The following BSCL2 variants were observed in gnomAD, a reference collection of about 807,000 sequenced individuals.
The protein encoded by BSCL2 is seipin.
BSCL2 carries 41 observed loss-of-function variants against 57.4 expected under a neutral mutation model. The ratio of observed to expected loss-of-function variants is 0.71; its 90% confidence interval spans 0.56 to 0.93. BSCL2 has a LOEUF of 0.93. Ranked by LOEUF, BSCL2 falls within the 40% of genes least tolerant of loss-of-function variation. BSCL2 has a pLI of 0.00. For missense variants in BSCL2, 539 were observed against 586.7 expected, an observed-to-expected ratio of 0.92 and a Z score of 0.84; for synonymous variants, 237 against 227.3, an observed-to-expected ratio of 1.04 and a Z score of -0.38.
At chr11:62,708,549 G>C (rs972771734), upstream of BSCL2, 3 of 1,354,076 alleles carry the variant, frequency 2.2e-6, no homozygotes, top group Admixed American at 2.0e-5. Flanking sequence ...CCAGGCCTCT[G>C]GGGGGGATGA....
At chr11:62,709,159 G>A (rs2083591711), upstream of BSCL2, 3 of 469,766 alleles carry the variant, frequency 6.4e-6, no homozygotes, top group South Asian at 4.6e-5. Context: ...GGAGCTACTG[G>A]GAGGGTAAAG....
intron 3 of BSCL2, among the ~76,000 whole-genome samples, chr11:62,700,203 T>G (rs989002188): frequency 6.6e-6 from 1 of 151,174 alleles, no homozygotes; most frequent in African/African-American, 2.4e-5. Context: ...ATCGTATCAC[T>G]GCACTCCAGG....
chr11:62,704,335 C>A (rs1945747704), intron 2 of BSCL2, among the ~76,000 whole-genome samples: 2 of 135,416 alleles, frequency 1.5e-5, no homozygotes, highest in Non-Finnish European at 3.1e-5. Context: ...AGATTGAGAC[C>A]ATCCTGGCTA....
intron 3 of BSCL2, among the ~76,000 whole-genome samples, chr11:62,698,057 G>A (rs1195906171): frequency 3.0e-4 from 45 of 147,966 alleles, no homozygotes; most frequent in African/African-American, 1.0e-3. Context: ...ACAGGCGCCC[G>A]CCACCACGCC....
At position 62,691,079 on chromosome 11, in the gene BSCL2, C is replaced by T. The variant is rs745853578; in HGVS notation, c.1068G>A (p.Gln356=). The T allele has an allele frequency of 6.2e-7, 1 of 1,614,226 alleles. No individual in the cohort carries two copies. Among genetic ancestry groups the T allele is most frequent in the Non-Finnish European group, 8.5e-7 (1 of 1,180,036 alleles). ...KEVQRRISAH[Q]PGPEGQEEST... Reference sequence around the variant, plus strand: ...CTCCCCAGCCAACACCTTTACCTGGCTGATGAGCAGAGATCCTTCGTTGGA... The same window carrying T: ...CTCCCCAGCCAACACCTTTACCTGGTTGATGAGCAGAGATCCTTCGTTGGA... Residue 356 remains glutamine, a synonymous_variant, in exon 8 of 11, where the codon CAG becomes CAA. Transcript: ENST00000360796.
At chr11:62,698,325 A>G (rs1945536423) in intron 3 of BSCL2, among the ~76,000 whole-genome samples, 1 of 151,994 alleles carries the variant, frequency 6.6e-6, no homozygotes, top group South Asian at 2.1e-4. Flanking sequence ...CAGCCTCCCA[A>G]GTAGCTGGGA....
chr11:62,694,957 C>G (rs577326228), intron 3 of BSCL2, among the ~76,000 whole-genome samples: 1 of 152,142 alleles, frequency 6.6e-6, no homozygotes, highest in South Asian at 2.1e-4. Flanking sequence ...CTACCCTGTT[C>G]CCAGAAAGGC....
chr11:62,707,757 G>A, upstream of BSCL2: 2 of 284,224 alleles, frequency 7.0e-6, no homozygotes, highest in Non-Finnish European at 1.4e-5. Flanking sequence ...CCTCTGGCCT[G>A]GCCCTCCCCA....
rs1261300820 is a variant in BSCL2, at chr11:62,690,286, A to G, written c.*81T>C. On this transcript the variant is annotated 3_prime_UTR_variant, in exon 11 of 11. Transcript: ENST00000360796. ...TCAGAGTCAAGGAAGAAGCTGACACAAAATAGTTTATTGAAGGAAAAACGA... is the reference window on the plus strand; with the variant it reads ...TCAGAGTCAAGGAAGAAGCTGACACGAAATAGTTTATTGAAGGAAAAACGA... 1.9e-6 allele frequency: 3 copies of G among 1,597,078 alleles called. No individual in the cohort carries two copies. The highest frequency in any genetic ancestry group is 4.5e-5 in the East Asian group (2 of 44,824).
intron 3 of BSCL2, among the ~76,000 whole-genome samples, chr11:62,697,320 G>T (rs140522004): frequency 6.7e-6 from 1 of 149,846 alleles, no homozygotes; most frequent in East Asian, 2.0e-4. Flanking sequence ...GCGTGAACCC[G>T]GGAGGCGGAG....
intron 3 of BSCL2, among the ~76,000 whole-genome samples, chr11:62,697,019 C>G (rs1945489494): frequency 6.6e-6 from 1 of 150,666 alleles, no homozygotes; most frequent in South Asian, 2.1e-4. Context: ...ACCGGGGTGA[C>G]AGAATGAGAC....
intron 8 of BSCL2, 56 bp from the exon 9 acceptor site, chr11:62,690,923 G>A (rs768100801): frequency 5.0e-6 from 8 of 1,595,500 alleles, no homozygotes; most frequent in South Asian, 3.3e-5. Context: ...GTGCCTGGAC[G>A]GCAGTGCCAA....
chr11:62,699,819 T>C (rs903972706), intron 3 of BSCL2, among the ~76,000 whole-genome samples: 3 of 150,766 alleles, frequency 2.0e-5, no homozygotes, highest in South Asian at 2.1e-4. Flanking sequence ...GCTGGGACTA[T>C]AGGTTTGTGC....
At position 62,691,317 on chromosome 11, in the gene BSCL2, C is replaced by G. The variant is rs367783346; in HGVS notation, c.968G>C (p.Trp323Ser). Reference protein sequence around the residue: ...IVLFSYMQWVWGGIWPRHRFS... With the variant: ...IVLFSYMQWVSGGIWPRHRFS... ...GCGGTGTCGGGGCCAGATGCCCCCC[C>G]ACACCCACTGCATGTAGCTGAAGAG... Residue 323 changes from tryptophan to serine, a missense_variant, in exon 7 of 11, where the codon TGG becomes TCG. This residue lies in a region of BSCL2 where 248 missense variants were observed against 239.9 expected (regional missense o/e 1.03). Transcript: ENST00000360796. The G allele has an allele frequency of 9.9e-6, 16 of 1,614,060 alleles. No homozygotes were observed. Among genetic ancestry groups the G allele is most frequent in the Non-Finnish European group, 1.4e-5 (16 of 1,180,032 alleles).
At chr11:62,700,567 G>T (rs1312100828) in intron 3 of BSCL2, among the ~76,000 whole-genome samples, 3 of 152,202 alleles carry the variant, frequency 2.0e-5, no homozygotes, top group Non-Finnish European at 4.4e-5. Flanking sequence ...ATTGAACCCA[G>T]GGGGCAGAGG....
At chr11:62,706,605 G>A in intron 1 of BSCL2, 1 of 470,346 alleles carries the variant, frequency 2.1e-6, no homozygotes, top group Non-Finnish European at 4.4e-6. Flanking sequence ...ACAGCCCTCC[G>A]TGCACACCTT....
intron 3 of BSCL2, among the ~76,000 whole-genome samples, chr11:62,699,127 T>C (rs992564996): frequency 1.3e-5 from 2 of 150,996 alleles, no homozygotes; most frequent in Admixed American, 6.6e-5. Context: ...ATGGTCTCGA[T>C]CTCTTGACCT....
rs755200939 is a variant in BSCL2 at position 62,692,687 on chromosome 11, G to C, written c.741C>G (p.Leu247=). 2 of 1,614,118 alleles carry C rather than the reference G, an allele frequency of 1.2e-6. No homozygotes were observed. The highest frequency in any genetic ancestry group is 1.1e-5 in the South Asian group (1 of 91,086). ...CCGAGTTCTCTCTATAGTCTGCGTA[G>C]AGTTCCACCTCCAGCAGCTGCTTCT... ...AEQKQLLEVE[L]YADYRENSYV... The change falls in exon 5 of 11, where the codon CTC becomes CTG. Residue 247 remains leucine (L), a synonymous_variant. Coordinates refer to ENST00000360796, the MANE Select transcript of BSCL2 (RefSeq NM_001122955.4).
chr11:62,699,182 C>T (rs531284609), intron 3 of BSCL2, among the ~76,000 whole-genome samples: 1 of 150,470 alleles, frequency 6.6e-6, no homozygotes, highest in East Asian at 2.0e-4. Context: ...GGATTACAGG[C>T]GTGAGCCACC....
Sources: allele counts gnomAD v4.1 joint callset (sites outside exome capture counted in the v4.1 genomes callset), GRCh38; gene constraint gnomAD v4.1.1; regional missense constraint gnomAD v4.1.1; transcripts MANE v1.5; gene names NCBI Gene and HGNC (gene_info 2026-07-23, HGNC 2026-07-21).